The following PTPN3 variants were observed in gnomAD, a reference collection of about 807,000 sequenced individuals.
PTPN3 encodes the protein tyrosine-protein phosphatase non-receptor type 3.
A neutral mutation model predicts 132.7 loss-of-function variants in PTPN3; 96 were observed. The ratio of observed to expected loss-of-function variants is 0.72; its 90% confidence interval spans 0.61 to 0.86. The LOEUF is 0.86. Ranked by LOEUF, PTPN3 falls within the 40% of genes least tolerant of loss-of-function variation. PTPN3 has a pLI of 0.00. For missense variants in PTPN3, 1,125 were observed against 1,159.6 expected, an observed-to-expected ratio of 0.97 and a Z score of 0.43; for synonymous variants, 398 against 429.0, an observed-to-expected ratio of 0.93 and a Z score of 0.89.
intron 12 of PTPN3, among the ~76,000 whole-genome samples, chr9:109,425,965 G>A (rs1843242523): frequency 1.4e-5 from 2 of 145,558 alleles, no homozygotes; most frequent in African/African-American, 2.6e-5. Context: ...AGTGAGCCAA[G>A]ATGGCACCAC....
At chr9:109,473,303 G>GAGTC (rs1222480703) in intron 1 of PTPN3, among the ~76,000 whole-genome samples, 1 of 152,208 alleles carries the variant, frequency 6.6e-6, no homozygotes, top group Non-Finnish European at 1.5e-5. Context: ...AGCCCGGGTG[G>GAGTC]AGTCATTTGT....
chr9:109,404,540 G>C lies in PTPN3; in HGVS notation c.1861C>G (p.Pro621Ala). 3 of 1,568,872 alleles carry C rather than the reference G, an allele frequency of 1.9e-6. No individual in the cohort carries two copies. The highest frequency in any genetic ancestry group is 2.6e-6 in the Non-Finnish European group (3 of 1,150,920). The stretch of plus-strand genomic sequence containing the variant: ...GTGTCCCCACCCTCCGGACACATGG[G>C]GAAAATGGCTTCGGGGAAAAGCTGG... ...LNQLFPEAIFPMCPEGGDTLE... is the reference protein window; with the variant it reads ...LNQLFPEAIFAMCPEGGDTLE... Residue 621 changes from proline to alanine, a missense_variant, in exon 19 of 26, where the codon CCC becomes GCC. By Grantham distance (27) the Pro-to-Ala change is conservative (BLOSUM62 -1). Coordinates refer to ENST00000374541, the MANE Select transcript of PTPN3 (RefSeq NM_002829.4).
In PTPN3 at chr9:109,491,086, C is replaced by T. The variant is rs550902114; in HGVS notation, c.-18+7133G>A. Among the ~76,000 whole-genome samples, 60 of 151,386 alleles carry T rather than the reference C, an allele frequency of 4.0e-4. 1 individual carries two copies. The highest frequency in any genetic ancestry group is 4.6e-4 in the Non-Finnish European group (31 of 67,906). ...TGGCACACGCCTGGAATCCCAGCTA[C>T]TTGGGAGGCTGAGACAGGATAATTG... On this transcript the variant is annotated intron_variant, in intron 1 of 25. Coordinates refer to ENST00000374541, the MANE Select transcript of PTPN3 (RefSeq NM_002829.4).
At chr9:109,499,709 G>C (rs998583136), upstream of PTPN3, among the ~76,000 whole-genome samples, 1 of 152,186 alleles carries the variant, frequency 6.6e-6, no homozygotes, top group African/African-American at 2.4e-5. Flanking sequence ...CTGAGGCCTC[G>C]GCAGCCCCTG....
the PTPN3 span, among the ~76,000 whole-genome samples, chr9:109,529,161 G>C: frequency 6.6e-6 from 1 of 152,208 alleles, no homozygotes; most frequent in Non-Finnish European, 1.5e-5. Flanking sequence ...TTCCACCTGG[G>C]AGAGATGCTG....
intron 14 of PTPN3, chr9:109,417,776 G>A (rs1842631889): frequency 1.6e-5 from 16 of 985,346 alleles, no homozygotes; most frequent in Non-Finnish European, 1.8e-5. Context: ...TCTATTGTCA[G>A]TGCACCTGGT....
intron 7 of PTPN3, among the ~76,000 whole-genome samples, chr9:109,439,064 A>G (rs1844261578): frequency 6.6e-6 from 1 of 152,076 alleles, no homozygotes; most frequent in Non-Finnish European, 1.5e-5. Flanking sequence ...TGAATTGTTG[A>G]TGCCTATGAT....
rs1259804412 is a variant in PTPN3, at chr9:109,377,833, A to C, written c.*1723T>G. Reference sequence around the variant, plus strand: ...TAATGAAAGAGAGGTAGAGCTTCTAAGCAACCAGGCCCGCAAGTAGTTAGT... The same window carrying C: ...TAATGAAAGAGAGGTAGAGCTTCTACGCAACCAGGCCCGCAAGTAGTTAGT... On this transcript the variant is annotated 3_prime_UTR_variant, in exon 26 of 26. Coordinates refer to ENST00000374541, the MANE Select transcript of PTPN3 (RefSeq NM_002829.4). 6.6e-6 allele frequency: 1 copy of C among 152,232 alleles called. No homozygotes were observed. Among genetic ancestry groups the C allele is most frequent in the Non-Finnish European group, 1.5e-5 (1 of 68,044 alleles). The allele number at this position is 152,232 out of a possible 1,614,324, so 9.4% of individuals were successfully genotyped here. A position where few individuals can be genotyped will look rare whatever the true frequency, so the allele number is the denominator to read the frequency against.
chr9:109,515,931 G>A, the PTPN3 span, among the ~76,000 whole-genome samples: 329 of 152,266 alleles, frequency 2.2e-3, 1 homozygote, highest in Non-Finnish European at 4.0e-3. Flanking sequence ...CAGGGGACAC[G>A]TATCCAAACT....
chr9:109,381,902 G>A, intron 24 of PTPN3, 115 bp from the exon 25 acceptor site: 2 of 1,267,424 alleles, frequency 1.6e-6, no homozygotes, highest in Non-Finnish European at 2.2e-6. Context: ...CCTTCGAGAA[G>A]ACAAAACGCA....
intron 7 of PTPN3, among the ~76,000 whole-genome samples, chr9:109,438,544 A>G (rs1844223512): frequency 6.6e-6 from 1 of 152,174 alleles, no homozygotes; most frequent in African/African-American, 2.4e-5. Flanking sequence ...TCTTCCATAC[A>G]CTGTGGTCAG....
At chr9:109,447,962 C>A (rs1033270014) in intron 6 of PTPN3, among the ~76,000 whole-genome samples, 35 of 152,144 alleles carry the variant, frequency 2.3e-4, no homozygotes, top group African/African-American at 6.8e-4. Flanking sequence ...TGTCTTCTCA[C>A]TGCCCAGGGA....
intron 1 of PTPN3, among the ~76,000 whole-genome samples, chr9:109,497,781 G>A (rs907885030): frequency 1.3e-5 from 2 of 151,978 alleles, no homozygotes; most frequent in Admixed American, 6.5e-5. Flanking sequence ...CCTGGGAGCC[G>A]AGCGCTGGCA....
chr9:109,534,130 T>A, the PTPN3 span: 23 of 797,790 alleles, frequency 2.9e-5, 1 homozygote, highest in African/African-American at 3.9e-4. Context: ...GTTCCTTAAG[T>A]TGAACCATTT....
At chr9:109,421,185 G>A (rs143883625) in intron 13 of PTPN3, among the ~76,000 whole-genome samples, 1 of 152,320 alleles carries the variant, frequency 6.6e-6, no homozygotes, top group Non-Finnish European at 1.5e-5. Context: ...CAGTAGGCAT[G>A]TGACCTTGGG....
intron 1 of PTPN3, among the ~76,000 whole-genome samples, chr9:109,470,040 T>C (rs1175245350): frequency 6.7e-6 from 1 of 149,904 alleles, no homozygotes; most frequent in Non-Finnish European, 1.5e-5. Context: ...TTCTTCCCTC[T>C]ACTTTTTTTT....
At chr9:109,402,867 T>G (rs2131708590) in intron 19 of PTPN3, among the ~76,000 whole-genome samples, 1 of 152,218 alleles carries the variant, frequency 6.6e-6, no homozygotes, top group Admixed American at 6.5e-5. Flanking sequence ...GCCCAGGAGT[T>G]TGAGACCAGC....
intron 14 of PTPN3, among the ~76,000 whole-genome samples, chr9:109,415,771 T>C (rs1481818616): frequency 6.6e-6 from 1 of 152,144 alleles, no homozygotes; most frequent in African/African-American, 2.4e-5. Context: ...GAGGGACGAC[T>C]GATGTTTCAA....
At chr9:109,494,254 T>C (rs1847584403) in intron 1 of PTPN3, among the ~76,000 whole-genome samples, 1 of 152,206 alleles carries the variant, frequency 6.6e-6, no homozygotes, top group African/African-American at 2.4e-5. Context: ...GAGGACTGTT[T>C]GAGCCCAGGA....
Sources: allele counts gnomAD v4.1 joint callset (sites outside exome capture counted in the v4.1 genomes callset), GRCh38; gene constraint gnomAD v4.1.1; transcripts MANE v1.5; gene names NCBI Gene and HGNC (gene_info 2026-07-23, HGNC 2026-07-21).